Variants in FRMPD4 observed in about 807,000 individuals in gnomAD.
FRMPD4 encodes FERM and PDZ domain containing 4, also known as FERM and PDZ domain-containing protein 4.
Under a neutral mutation model 94.1 loss-of-function variants are expected in FRMPD4, and 22 were observed. The observed-to-expected ratio is 0.23, with a 90% CI of 0.17 to 0.33. The LOEUF is 0.33. Ranked by LOEUF, FRMPD4 falls within the 10% of genes least tolerant of loss-of-function variation. The pLI is 1.00. For missense variants in FRMPD4, 1,111 were observed against 1,339.9 expected, an observed-to-expected ratio of 0.83 and a Z score of 2.67; for synonymous variants, 631 against 548.6, an observed-to-expected ratio of 1.15 and a Z score of -2.10.
chrX:12,386,324 T>C (rs2056396786), intron 1 of FRMPD4, among the ~76,000 whole-genome samples: 1 of 112,337 alleles, frequency 8.9e-6, no homozygotes, highest in Admixed American at 9.4e-5. Flanking sequence ...GGCACCCAAA[T>C]ACAGACTAAA....
chrX:11,841,436 G>A (rs151333050), intron 1 of FRMPD4, among the ~76,000 whole-genome samples: 22,363 of 104,418 alleles, frequency 0.21, 2,336 homozygotes, highest in Middle Eastern at 0.26. Flanking sequence ...AATGATTGCC[G>A]TTCTAACTGG....
intron 2 of FRMPD4, among the ~76,000 whole-genome samples, chrX:12,543,074 G>A (rs867859677): frequency 5.6e-4 from 63 of 111,602 alleles, no homozygotes; most frequent in African/African-American, 1.6e-3. Context: ...CTTACACCTT[G>A]TACAAAAATT....
chrX:12,351,722 C>CT (rs1162551113), intron 1 of FRMPD4, among the ~76,000 whole-genome samples: 1 of 112,370 alleles, frequency 8.9e-6, no homozygotes, highest in Non-Finnish European at 1.9e-5. Flanking sequence ...TTAGTGTTAC[C>CT]TTTTTCAAAC....
At chrX:12,108,310 A>G (rs2055319633) in intron 3 of FRMPD4, among the ~76,000 whole-genome samples, 1 of 111,652 alleles carries the variant, frequency 9.0e-6, no homozygotes, top group South Asian at 3.8e-4. Flanking sequence ...AGAATTTCAT[A>G]TCCAGCCAAA....
At chrX:11,825,906 A>G (rs1473676953) in intron 1 of FRMPD4, among the ~76,000 whole-genome samples, 1 of 112,227 alleles carries the variant, frequency 8.9e-6, no homozygotes, top group Non-Finnish European at 1.9e-5. Flanking sequence ...ATTTTGTTTT[A>G]TTGTCACCTT....
intron 3 of FRMPD4, among the ~76,000 whole-genome samples, chrX:11,978,112 G>A (rs2054376587): frequency 9.2e-6 from 1 of 108,658 alleles, no homozygotes; most frequent in Non-Finnish European, 1.9e-5. Flanking sequence ...TACGAGGTAA[G>A]GAGATCGAGA....
intron 1 of FRMPD4, among the ~76,000 whole-genome samples, chrX:12,228,023 A>G (rs2056943268): frequency 8.9e-6 from 1 of 112,192 alleles, no homozygotes; most frequent in South Asian, 3.7e-4. Context: ...TCTGTTTCTG[A>G]TTCAGATTTT....
intron 1 of FRMPD4, among the ~76,000 whole-genome samples, chrX:12,159,809 G>A (rs188275233): frequency 2.7e-5 from 3 of 112,100 alleles, no homozygotes; most frequent in Non-Finnish European, 5.6e-5. Flanking sequence ...AAGATAAGAA[G>A]CTAATAAAAA....
intron 1 of FRMPD4, among the ~76,000 whole-genome samples, chrX:12,446,884 C>T (rs759873343): frequency 5.4e-5 from 6 of 111,915 alleles, no homozygotes; most frequent in Admixed American, 4.7e-4. Context: ...ATGTAGCTGT[C>T]GCAATGAGAG....
intron 1 of FRMPD4, among the ~76,000 whole-genome samples, chrX:12,420,587 T>G (rs2056870635): frequency 1.8e-5 from 2 of 112,001 alleles, no homozygotes; most frequent in South Asian, 7.5e-4. Flanking sequence ...ATGCTGATCC[T>G]TCATCCTTCA....
chrX:12,371,303 T>C (rs1040409217), intron 1 of FRMPD4, among the ~76,000 whole-genome samples: 3 of 112,802 alleles, frequency 2.7e-5, no homozygotes, highest in African/African-American at 9.7e-5. Context: ...ATGTATCTCC[T>C]GACCTGACCA....
rs1342874020 is a variant in FRMPD4, at chrX:12,103,322, T to C, written c.95+225304T>C. ...GATCTATTTATTTTTACAAATAAGATAGTTTAATAGTGAAATGACTTGTTC... is the reference window on the plus strand; with the variant it reads ...GATCTATTTATTTTTACAAATAAGACAGTTTAATAGTGAAATGACTTGTTC... On this transcript the variant is annotated intron_variant, in intron 3 of 18. Coordinates refer to the FRMPD4 transcript ENST00000640291. 9.8e-5 allele frequency among the ~76,000 whole-genome samples: 11 copies of C among 112,430 alleles called. No individual in the cohort carries two copies. The Admixed American group carries it at 1.0e-3, about 11-fold the overall frequency.
intron 1 of FRMPD4, among the ~76,000 whole-genome samples, chrX:12,175,671 G>T (rs1569180544): frequency 8.9e-6 from 1 of 111,786 alleles, no homozygotes; most frequent in East Asian, 2.8e-4. Context: ...CTGCCATCAT[G>T]CCTGGCTAAT....
chrX:11,969,378 C>T (rs1421049354), intron 3 of FRMPD4, among the ~76,000 whole-genome samples: 2 of 112,206 alleles, frequency 1.8e-5, no homozygotes, highest in African/African-American at 6.5e-5. Context: ...ACTCCGAGAA[C>T]ATTGCAGATG....
At chrX:12,585,708 A>G (rs986162681) in intron 2 of FRMPD4, among the ~76,000 whole-genome samples, 3 of 112,171 alleles carry the variant, frequency 2.7e-5, no homozygotes, top group Non-Finnish European at 5.6e-5. Context: ...GCTCCGTCCA[A>G]TACAGAAGTC....
At chrX:12,278,895 C>A (rs2054482743) in intron 1 of FRMPD4, among the ~76,000 whole-genome samples, 1 of 112,221 alleles carries the variant, frequency 8.9e-6, no homozygotes, top group Non-Finnish European at 1.9e-5. Context: ...TTCAGGTTGC[C>A]TACAGCAGTC....
intron 1 of FRMPD4, among the ~76,000 whole-genome samples, chrX:12,232,871 C>T (rs1185190487): frequency 8.9e-6 from 1 of 111,841 alleles, no homozygotes; most frequent in Non-Finnish European, 1.9e-5. Context: ...GAGTTATAGG[C>T]AAGTGCACAG....
At chrX:12,092,231 C>T (rs746052706) in intron 3 of FRMPD4, among the ~76,000 whole-genome samples, 30 of 111,542 alleles carry the variant, frequency 2.7e-4, no homozygotes, top group Non-Finnish European at 5.1e-4. Context: ...TGGACAGCCT[C>T]CATGAACACC....
intron 1 of FRMPD4, among the ~76,000 whole-genome samples, chrX:12,278,890 G>A (rs1282641516): frequency 4.5e-5 from 5 of 112,126 alleles, no homozygotes; most frequent in Non-Finnish European, 9.4e-5. Flanking sequence ...CTAAGTTCAG[G>A]TTGCCTACAG....
Sources: allele counts gnomAD v4.1 joint callset (sites outside exome capture counted in the v4.1 genomes callset), GRCh38; gene constraint gnomAD v4.1.1; transcripts MANE v1.5; gene names NCBI Gene and HGNC (gene_info 2026-07-23, HGNC 2026-07-21).